APP: variants seen among roughly 807,000 people sequenced by gnomAD.
The protein encoded by APP is amyloid-beta precursor protein.
Under a neutral mutation model 101.4 loss-of-function variants are expected in APP, and 31 were observed. That is an observed-to-expected ratio of 0.31 (90% confidence interval 0.23 to 0.41). APP has a LOEUF of 0.41. Among genes scored for constraint, APP ranks in the 10% least tolerant of loss-of-function variants. APP has a pLI of 1.00. For synonymous variants in APP, 366 were observed against 364.4 expected (o/e 1.00, Z -0.05); for missense variants, 839 against 1,003.7 (o/e 0.84, Z 2.22).
At position 25,881,765 on chromosome 21, in the gene APP, C is replaced by T. The variant is rs764079929; in HGVS notation, c.2218G>A (p.Ala740Thr). The change falls in exon 18 of 18, where the codon GCC becomes ACC. Residue 740 changes from alanine (A) to threonine (T), a missense_variant. Transcript: ENST00000346798. ...TGGCGCTCCTCTGGGGTGACAGCGG[C>T]GTCAACCTGAAAAACAAGAGGAGAG... Reference protein sequence around the residue: ...SIHHGVVEVDAAVTPEERHLS... With the variant: ...SIHHGVVEVDTAVTPEERHLS... 10 of 1,613,224 alleles carry T rather than the reference C, an allele frequency of 6.2e-6. No homozygotes were observed. The highest frequency in any genetic ancestry group is 1.1e-5 in the South Asian group (1 of 91,010).
At chr21:26,017,387 G>A (rs891201619) in intron 6 of APP, among the ~76,000 whole-genome samples, 2 of 98,806 alleles carry the variant, frequency 2.0e-5, no homozygotes, top group Non-Finnish European at 4.2e-5. Context: ...TCCAGCCTAG[G>A]AAACATAGCA....
chr21:26,016,900 C>T (rs1029274505), intron 6 of APP, among the ~76,000 whole-genome samples: 10 of 138,302 alleles, frequency 7.2e-5, no homozygotes, highest in East Asian at 2.1e-4. Flanking sequence ...TTTTCGGCCA[C>T]GCATGGTGGC....
chr21:26,065,335 T>A (rs1463668896), intron 3 of APP, among the ~76,000 whole-genome samples: 2 of 152,166 alleles, frequency 1.3e-5, no homozygotes, highest in African/African-American at 2.4e-5. Flanking sequence ...ATTATTGTAG[T>A]TGAAAAGAAC....
At chr21:26,133,152 C>T (rs781528817) in intron 1 of APP, among the ~76,000 whole-genome samples, 5 of 152,100 alleles carry the variant, frequency 3.3e-5, no homozygotes, top group Non-Finnish European at 5.9e-5. Flanking sequence ...GAGGGAGGAT[C>T]GCTTGAGCCC....
At chr21:26,124,703 C>T (rs538776545) in intron 1 of APP, among the ~76,000 whole-genome samples, 3 of 152,248 alleles carry the variant, frequency 2.0e-5, no homozygotes, top group South Asian at 4.2e-4. Flanking sequence ...GAGATAGAAA[C>T]GGATTGTTGA....
intron 11 of APP, among the ~76,000 whole-genome samples, chr21:25,965,997 G>A (rs1354401281): frequency 6.6e-6 from 1 of 152,190 alleles, no homozygotes; most frequent in Non-Finnish European, 1.5e-5. Context: ...CTCCACTGTG[G>A]AGGGAATCTG....
intron 7 of APP, among the ~76,000 whole-genome samples, chr21:25,999,539 A>G (rs2043195285): frequency 6.6e-6 from 1 of 152,206 alleles, no homozygotes; most frequent in South Asian, 2.1e-4. Context: ...ACCAACTTAA[A>G]GGTATTCATC....
At chr21:26,050,867 G>T in intron 5 of APP, 133 bp downstream of exon 5, 1 of 1,031,304 alleles carries the variant, frequency 9.7e-7, no homozygotes, top group Non-Finnish European at 1.4e-6. Context: ...TCAGATTTTT[G>T]CATAACAGCA....
chr21:26,113,119 A>T (rs936774192), intron 1 of APP, among the ~76,000 whole-genome samples: 12 of 152,228 alleles, frequency 7.9e-5, no homozygotes, highest in African/African-American at 2.4e-4. Context: ...AGGTGTTATT[A>T]AACCAATCAA....
intron 9 of APP, among the ~76,000 whole-genome samples, chr21:25,977,020 C>T (rs3787632): frequency 0.09 from 13,752 of 152,128 alleles, 980 homozygotes; most frequent in African/African-American, 0.19. Context: ...AACTGAGAGC[C>T]GAATTTTAAA....
chr21:26,016,804 T>A (rs899907953), intron 6 of APP, among the ~76,000 whole-genome samples: 32 of 152,022 alleles, frequency 2.1e-4, no homozygotes, highest in African/African-American at 7.5e-4. Context: ...TCTCCTGACC[T>A]CGTTATCCGC....
chr21:25,992,935 G>A (rs1433303112), intron 8 of APP, among the ~76,000 whole-genome samples: 1 of 152,200 alleles, frequency 6.6e-6, no homozygotes, highest in African/African-American at 2.4e-5. Flanking sequence ...CAAGAATAGT[G>A]TGATTAAGAA....
chr21:26,031,051 A>T (rs1007297724), intron 5 of APP, among the ~76,000 whole-genome samples: 1 of 152,222 alleles, frequency 6.6e-6, no homozygotes, highest in African/African-American at 2.4e-5. Context: ...TGTTACAGAG[A>T]AAATGAAAGC....
At chr21:26,070,078 G>T (rs2046613251) in intron 3 of APP, among the ~76,000 whole-genome samples, 1 of 152,092 alleles carries the variant, frequency 6.6e-6, no homozygotes, top group Non-Finnish European at 1.5e-5. Context: ...CTAGGGATGA[G>T]GAAGACAATA....
At chr21:25,993,263 G>C (rs1477132183) in intron 8 of APP, among the ~76,000 whole-genome samples, 2 of 149,082 alleles carry the variant, frequency 1.3e-5, no homozygotes, top group Non-Finnish European at 3.0e-5. Flanking sequence ...TCCTGCATGG[G>C]GTCAGGCCTA....
chr21:26,157,328 C>T (rs2063396736), intron 1 of APP, among the ~76,000 whole-genome samples: 1 of 152,164 alleles, frequency 6.6e-6, no homozygotes, highest in Non-Finnish European at 1.5e-5. Context: ...CCTCAGTCTC[C>T]CGAAGTGCTG....
intron 13 of APP, among the ~76,000 whole-genome samples, chr21:25,930,749 T>C (rs1298714576): frequency 6.6e-6 from 1 of 152,242 alleles, no homozygotes; most frequent in Non-Finnish European, 1.5e-5. Flanking sequence ...GGCCTACTCG[T>C]GTTTTCTTTA....
intron 5 of APP, among the ~76,000 whole-genome samples, chr21:26,043,277 C>T (rs7280728): frequency 0.16 from 24,061 of 151,804 alleles, 2,723 homozygotes; most frequent in East Asian, 0.31. Context: ...GCTCTGTTGC[C>T]CAGGCTGAAG....
intron 1 of APP, among the ~76,000 whole-genome samples, chr21:26,152,291 A>AAAAAAAAAAAAC (rs1310347649): frequency 2.5e-4 from 37 of 146,332 alleles, no homozygotes; most frequent in African/African-American, 9.0e-4. Context: ...TCTCAAAAAA[A>AAAAAAAAAAAAC]AAAAAAAAAA....
Sources: allele counts gnomAD v4.1 joint callset (sites outside exome capture counted in the v4.1 genomes callset), GRCh38; gene constraint gnomAD v4.1.1; transcripts MANE v1.5; gene names NCBI Gene and HGNC (gene_info 2026-07-23, HGNC 2026-07-21).